NARS2: variants seen among roughly 807,000 people sequenced by gnomAD.
NARS2 encodes the protein asparaginyl-tRNA synthetase 2, mitochondrial.
In NARS2, 60 loss-of-function variants were observed where a neutral mutation model predicts 62.9. The ratio of observed to expected loss-of-function variants is 0.95; its 90% CI spans 0.77 to 1.18. The LOEUF (loss-of-function observed/expected upper bound fraction) is 1.18, where lower values mean the gene tolerates loss of function less well. Ranked by LOEUF, NARS2 falls within the 50% of genes most tolerant of loss-of-function variation. The pLI, the probability that NARS2 is intolerant of heterozygous loss-of-function variation, is 0.00. For missense variants in NARS2, 619 were observed against 576.4 expected (o/e 1.07, Z -0.76); for synonymous variants, 196 against 200.0 (o/e 0.98, Z 0.17).
At chr11:78,452,067 T>C (rs1028906269) in intron 11 of NARS2, among the ~76,000 whole-genome samples, 8 of 151,848 alleles carry the variant, frequency 5.3e-5, no homozygotes, top group African/African-American at 1.7e-4. Flanking sequence ...CACATACTTA[T>C]TTATGAGTTT....
chr11:78,454,579 G>A lies in NARS2; in HGVS notation c.1165-10821C>T, dbSNP rs568056334. Reference sequence around the variant, plus strand: ...ATTCTTGTACAGTCTGCAGAACCACGAGCCAAATAAAACTCTTTGTTTTAT... The same window carrying A: ...ATTCTTGTACAGTCTGCAGAACCACAAGCCAAATAAAACTCTTTGTTTTAT... On this transcript the variant is annotated intron_variant, in intron 11 of 13. Transcript: ENST00000281038. Among the ~76,000 whole-genome samples the A allele has an allele frequency of 8.5e-4, 129 of 151,792 alleles. No homozygotes were observed. The Middle Eastern group carries it at 0.01, about 12-fold the overall frequency.
Position 78,551,615 on chromosome 11 carries a change from C to T in NARS2, c.594+7924G>A, listed in dbSNP as rs1024193274. On this transcript the variant is annotated intron_variant, in intron 5 of 13. Transcript: ENST00000281038. Reference sequence around the variant, plus strand: ...CCTGTAATCCCAGCACTTTGGGAGGCCAAGGCGGACGGATCACCTGAGGTC... The same window carrying T: ...CCTGTAATCCCAGCACTTTGGGAGGTCAAGGCGGACGGATCACCTGAGGTC... Among the ~76,000 whole-genome samples the T allele has an allele frequency of 5.3e-5, 8 of 152,056 alleles. No individual in the cohort carries two copies. In the East Asian group the frequency reaches 1.5e-3, roughly 29 times the overall value.
intron 11 of NARS2, among the ~76,000 whole-genome samples, chr11:78,444,761 T>C (rs1195044294): frequency 7.0e-6 from 1 of 143,548 alleles, no homozygotes; most frequent in African/African-American, 2.6e-5. Flanking sequence ...GAAAATAATA[T>C]ATCTGCAAGA....
intron 7 of NARS2, among the ~76,000 whole-genome samples, chr11:78,484,076 A>C (rs1859469928): frequency 6.6e-6 from 1 of 152,206 alleles, no homozygotes; most frequent in African/African-American, 2.4e-5. Flanking sequence ...AGACCTCAGA[A>C]ATAACACCAC....
At chr11:78,470,611 A>C (rs947763586) in intron 9 of NARS2, among the ~76,000 whole-genome samples, 2 of 152,168 alleles carry the variant, frequency 1.3e-5, no homozygotes, top group African/African-American at 4.8e-5. Context: ...ATGTGTCATA[A>C]TTAGTTAACC....
At chr11:78,438,806 C>T (rs780112779) in intron 13 of NARS2, among the ~76,000 whole-genome samples, 2 of 152,118 alleles carry the variant, frequency 1.3e-5, no homozygotes. Context: ...TGGCTTCTCA[C>T]CGTATGGTGG....
chr11:78,491,018 G>A (rs1859796432), intron 7 of NARS2, among the ~76,000 whole-genome samples: 1 of 152,118 alleles, frequency 6.6e-6, no homozygotes, highest in Non-Finnish European at 1.5e-5. Flanking sequence ...CCTGTCATAT[G>A]GTAAAATATA....
chr11:78,538,932 T>C (rs1334706972), intron 5 of NARS2, among the ~76,000 whole-genome samples: 1 of 128,030 alleles, frequency 7.8e-6, no homozygotes, highest in Non-Finnish European at 1.6e-5. Context: ...GAGGCGGAGC[T>C]TGCAGTGAGC....
intron 5 of NARS2, among the ~76,000 whole-genome samples, chr11:78,542,384 A>T (rs1347560145): frequency 2.0e-5 from 3 of 152,244 alleles, no homozygotes; most frequent in African/African-American, 7.2e-5. Flanking sequence ...ATTGCAAAAC[A>T]GCAAACTTAT....
chr11:78,466,381 C>T (rs1185978663), intron 10 of NARS2, among the ~76,000 whole-genome samples: 1 of 151,020 alleles, frequency 6.6e-6, no homozygotes, highest in Non-Finnish European at 1.5e-5. Context: ...ATAGTGCCTA[C>T]AGCTTCTTCC....
chr11:78,484,208 C>T (rs185789995), intron 7 of NARS2, among the ~76,000 whole-genome samples: 2 of 152,192 alleles, frequency 1.3e-5, no homozygotes, highest in Admixed American at 1.3e-4. Context: ...AGAAACTGGA[C>T]CCCTTCCTTA....
Position 78,521,001 on chromosome 11 carries a change from T to C in NARS2, c.689+7841A>G, listed in dbSNP as rs191093342. Among the ~76,000 whole-genome samples, 367 of 142,272 alleles carry C rather than the reference T, an allele frequency of 2.6e-3. 2 individuals carry two copies. Among genetic ancestry groups the C allele is most frequent in the African/African-American group, 9.3e-3 (352 of 37,730 alleles). 93.3% of individuals were successfully genotyped at this position (142,272 alleles called of 152,430 possible). On this transcript the variant is annotated intron_variant, in intron 6 of 13. Coordinates refer to ENST00000281038, the MANE Select transcript of NARS2 (RefSeq NM_024678.6). ...TGAACCCGAGACGCAGGGGTTGCAGTGAGCTGAGGTCAGTGCCACTGCACT... is the reference window on the plus strand; with the variant it reads ...TGAACCCGAGACGCAGGGGTTGCAGCGAGCTGAGGTCAGTGCCACTGCACT...
At chr11:78,520,277 T>G (rs1416337385) in intron 6 of NARS2, among the ~76,000 whole-genome samples, 1 of 152,132 alleles carries the variant, frequency 6.6e-6, no homozygotes, top group African/African-American at 2.4e-5. Flanking sequence ...CTTCCTAGTT[T>G]CTGGTGGCTC....
chr11:78,459,561 C>T (rs922657365), intron 11 of NARS2, among the ~76,000 whole-genome samples: 9 of 152,144 alleles, frequency 5.9e-5, no homozygotes, highest in African/African-American at 1.9e-4. Flanking sequence ...TGAGCCACCG[C>T]GCCCAGCCGA....
At chr11:78,520,951 G>C (rs574612276) in intron 6 of NARS2, among the ~76,000 whole-genome samples, 11 of 151,404 alleles carry the variant, frequency 7.3e-5, no homozygotes, top group Admixed American at 5.3e-4. Flanking sequence ...CCAGCTACTC[G>C]AGAGGCTGAG....
intron 9 of NARS2, among the ~76,000 whole-genome samples, chr11:78,474,665 T>C (rs1460875316): frequency 6.6e-6 from 1 of 152,160 alleles, no homozygotes; most frequent in Non-Finnish European, 1.5e-5. Context: ...ATTTACTGAG[T>C]TCCTGTTAAA....
chr11:78,545,256 T>A (rs970550287), intron 5 of NARS2, among the ~76,000 whole-genome samples: 4 of 152,142 alleles, frequency 2.6e-5, no homozygotes, highest in African/African-American at 9.7e-5. Context: ...TTATGAAAAT[T>A]CTTTTTTACA....
chr11:78,516,890 A>G (rs1860932228), intron 6 of NARS2, among the ~76,000 whole-genome samples: 1 of 152,216 alleles, frequency 6.6e-6, no homozygotes, highest in Admixed American at 6.5e-5. Context: ...AAAGAAATAA[A>G]CCAACGATTC....
intron 7 of NARS2, among the ~76,000 whole-genome samples, chr11:78,486,586 C>G (rs1165696512): frequency 2.0e-5 from 3 of 152,234 alleles, no homozygotes; most frequent in African/African-American, 7.2e-5. Context: ...ATAAAACTTA[C>G]AGTCTCAATC....
Sources: allele counts gnomAD v4.1 joint callset (sites outside exome capture counted in the v4.1 genomes callset), GRCh38; gene constraint gnomAD v4.1.1; transcripts MANE v1.5; gene names NCBI Gene and HGNC (gene_info 2026-07-23, HGNC 2026-07-21).